Variants in ZMAT2 observed in about 807,000 individuals in gnomAD.
The protein encoded by ZMAT2 is zinc finger matrin-type 2, also known as zinc finger matrin-type protein 2.
In ZMAT2, 5 loss-of-function variants were observed where a neutral mutation model predicts 27.5. The ratio of observed to expected loss-of-function variants is 0.18; its 90% CI spans 0.10 to 0.38. The LOEUF is 0.38. Among genes scored for constraint, ZMAT2 ranks in the 10% least tolerant of loss-of-function variants. The probability of loss-of-function intolerance (pLI) is 1.00; values close to 1 mark genes in which losing one functional copy is unlikely to be tolerated. For missense variants in ZMAT2, 124 were observed against 243.9 expected, an observed-to-expected ratio of 0.51 and a Z score of 3.27; for synonymous variants, 76 against 78.6, an observed-to-expected ratio of 0.97 and a Z score of 0.17.
chr5:140,705,568 T>G, intron 5 of ZMAT2, 45 bp from the exon 6 acceptor site: 3 of 1,562,966 alleles, frequency 1.9e-6, no homozygotes, highest in Non-Finnish European at 2.6e-6. Flanking sequence ...CAAACAACAT[T>G]TGGCTGAGGA....
chr5:140,702,550 G>A, intron 3 of ZMAT2, among the ~76,000 whole-genome samples: 1 of 152,070 alleles, frequency 6.6e-6, no homozygotes, highest in East Asian at 1.9e-4. Context: ...ATTTTTTATT[G>A]CCATTGTACT....
intron 5 of ZMAT2, among the ~76,000 whole-genome samples, chr5:140,705,211 C>T (rs892192511): frequency 2.7e-4 from 41 of 152,012 alleles, no homozygotes; most frequent in African/African-American, 8.9e-4. Context: ...TTTTAAAAGA[C>T]TAAACTTTTT....
chr5:140,704,951 C>G (rs923622798), intron 5 of ZMAT2, among the ~76,000 whole-genome samples: 1 of 151,986 alleles, frequency 6.6e-6, no homozygotes, highest in Non-Finnish European at 1.5e-5. Flanking sequence ...TTTAGCCTAG[C>G]CTACCTTAAT....
At position 140,702,072 on chromosome 5, in the gene ZMAT2, C is replaced by G. The variant is rs1306364498; in HGVS notation, c.179C>G (p.Ser60Cys). The G allele has an allele frequency of 6.2e-7, 1 of 1,613,658 alleles. No individual in the cohort carries two copies. Among genetic ancestry groups the G allele is most frequent in the Non-Finnish European group, 8.5e-7 (1 of 1,179,830 alleles). Residue 60 changes from serine (S) to cysteine (C), a missense_variant, in exon 3 of 6, where the codon TCC becomes TGC. By Grantham distance (112) the Ser-to-Cys change is moderately radical. Around this residue, in one of 5 missense-constraint regions of ZMAT2, gnomAD observed 34 missense variants for 50.8 expected, o/e 0.67. Transcript: ENST00000274712. ...RHRDYKVDLE[S>C]KLGKTIVITK... ...AGGGACTACAAGGTGGACTTGGAATCCAAGCTTGGGAAGACAATTGTCATT... is the reference window on the plus strand; with the variant it reads ...AGGGACTACAAGGTGGACTTGGAATGCAAGCTTGGGAAGACAATTGTCATT...
rs897968026 is a variant in ZMAT2 at position 140,706,197 on chromosome 5, A to C, written c.*441A>C. ...TAGGTCCCAGTTTCCAGTTGATTGCATATCCTTGATCAGCCCTTTTTCCCA... is the reference window on the plus strand; with the variant it reads ...TAGGTCCCAGTTTCCAGTTGATTGCCTATCCTTGATCAGCCCTTTTTCCCA... On this transcript the variant is annotated 3_prime_UTR_variant, in exon 6 of 6. Transcript: ENST00000274712. 6.2e-6 allele frequency: 1 copy of C among 162,316 alleles called. No homozygotes were observed. The highest frequency in any genetic ancestry group is 2.4e-5 in the African/African-American group (1 of 41,656). The allele number at this position is 162,316 out of a possible 1,614,324, so 10.1% of individuals were successfully genotyped here.
At position 140,700,907 on chromosome 5, in the gene ZMAT2, A is replaced by G; in HGVS notation, c.107A>G (p.Lys36Arg). ...AGGCTCACGGAAGAGAGAGAAAAGA[A>G]AGATGGTGGGTGCTAACTACATCAA... is the stretch of plus-strand genomic sequence containing the variant. ...EKRLTEEREK[K>R]DGKPVQPVKR... is the part of the protein sequence containing the mutation. Residue 36 changes from lysine to arginine, a missense_variant, in exon 2 of 6, where the codon AAA becomes AGA. By Grantham distance (26) the Lys-to-Arg change is conservative. Around this residue, in one of 5 missense-constraint regions of ZMAT2, gnomAD observed 34 missense variants for 50.8 expected, o/e 0.67. Transcript: ENST00000274712. The G allele has an allele frequency of 6.2e-7, 1 of 1,614,138 alleles. No homozygotes were observed. Among genetic ancestry groups the G allele is most frequent in the Non-Finnish European group, 8.5e-7 (1 of 1,180,018 alleles).
chr5:140,703,336 G>C (rs1759999018), intron 3 of ZMAT2, among the ~76,000 whole-genome samples: 1 of 151,536 alleles, frequency 6.6e-6, no homozygotes, highest in Non-Finnish European at 1.5e-5. Flanking sequence ...CGCCTCCTGG[G>C]TTCAAGCGAT....
At chr5:140,702,787 C>T (rs1759986759) in intron 3 of ZMAT2, among the ~76,000 whole-genome samples, 1 of 152,162 alleles carries the variant, frequency 6.6e-6, no homozygotes, top group African/African-American at 2.4e-5. Flanking sequence ...TCTTCCAAGA[C>T]TATAACCTAT....
chr5:140,702,109 C>T lies in ZMAT2; in HGVS notation c.216C>T (p.Thr72=), dbSNP rs1759973574. ...AGACAATTGTCATTACCAAGACAACCCCTCAATCTGAGATGGGAGGGTGAG... is the reference window on the plus strand; with the variant it reads ...AGACAATTGTCATTACCAAGACAACTCCTCAATCTGAGATGGGAGGGTGAG... The part of the protein sequence containing the change: ...LGKTIVITKT[T]PQSEMGGYYC... Residue 72 remains threonine, a synonymous_variant, in exon 3 of 6, where the codon ACC becomes ACT. Coordinates refer to ENST00000274712, the MANE Select transcript of ZMAT2 (RefSeq NM_144723.3). 2.5e-6 allele frequency: 4 copies of T among 1,612,982 alleles called. No homozygotes were observed. In the East Asian group the frequency reaches 8.9e-5, roughly 36 times the overall value.
intron 3 of ZMAT2, 24 bp downstream of exon 3, chr5:140,702,153 C>G: frequency 6.2e-7 from 1 of 1,608,640 alleles, no homozygotes; most frequent in Non-Finnish European, 8.5e-7. Context: ...CATTTTTCCT[C>G]TGCAGCCAAG....
At chr5:140,703,518 G>GCCA (rs1760001712) in intron 3 of ZMAT2, among the ~76,000 whole-genome samples, 1 of 152,186 alleles carries the variant, frequency 6.6e-6, no homozygotes, top group Non-Finnish European at 1.5e-5. Context: ...ACAGGCGTGA[G>GCCA]CCACCATGCC....
In ZMAT2 at chr5:140,705,739, A is replaced by G; in HGVS notation, c.583A>G (p.Thr195Ala). 2 of 1,613,988 alleles carry G rather than the reference A, an allele frequency of 1.2e-6. No individual in the cohort carries two copies. Among genetic ancestry groups the G allele is most frequent in the Non-Finnish European group, 1.7e-6 (2 of 1,179,950 alleles). Residue 195 changes from threonine (T) to alanine (A), a missense_variant, in exon 6 of 6, where the codon ACC becomes GCC. Around this residue, in one of 5 missense-constraint regions of ZMAT2, gnomAD observed 53 missense variants for 82.3 expected, o/e 0.64. Transcript: ENST00000274712. ...GATGGGCTTCTCTGGCTTTGGTTCCACCAAGAAGAGTTACTGAGGCTTTCT... is the reference window on the plus strand; with the variant it reads ...GATGGGCTTCTCTGGCTTTGGTTCCGCCAAGAAGAGTTACTGAGGCTTTCT... ...AVMGFSGFGS[T>A]KKSY
At chr5:140,701,035 C>T in intron 2 of ZMAT2, 123 bp downstream of exon 2, 1 of 913,364 alleles carries the variant, frequency 1.1e-6, no homozygotes, top group Non-Finnish European at 1.6e-6. Context: ...TGCTGCTTCC[C>T]TGGGCCTAGG....
At chr5:140,704,598 C>T (rs1760020592) in intron 5 of ZMAT2, 27 bp downstream of exon 5, 6 of 1,603,784 alleles carry the variant, frequency 3.7e-6, no homozygotes, top group South Asian at 1.1e-5. Flanking sequence ...CTTCCCCTCT[C>T]CCCCAGATTT....
rs770601303 is a variant in ZMAT2 at position 140,700,480 on chromosome 5, T to TAGG, written c.18+3_18+5dup. ...GTGAAGATGGCGTCGGGCAGCGGGGTAGGTGTTGTGTCTGAGGAGGAGGTT... is the reference window on the plus strand; with the variant it reads ...GTGAAGATGGCGTCGGGCAGCGGGGTAGGAGGTGTTGTGTCTGAGGAGGAGGTT... On this transcript the variant is annotated splice_region_variant and intron_variant, in intron 1 of 5. Coordinates refer to ENST00000274712, the MANE Select transcript of ZMAT2 (RefSeq NM_144723.3). 1 of 1,612,838 alleles carries TAGG rather than the reference T, an allele frequency of 6.2e-7. No homozygotes were observed. Among genetic ancestry groups the TAGG allele is most frequent in the Non-Finnish European group, 8.5e-7 (1 of 1,179,878 alleles).
Position 140,704,347 on chromosome 5 carries a change from A to G in ZMAT2, c.311-79A>G. ...TTTGCTGTGTGTTTTATGAGATGTC[A>G]GAGAAGTCAGGAAAATAATTTTTGA... On this transcript the variant is annotated intron_variant, in intron 4 of 5. Transcript: ENST00000274712. 5.9e-6 allele frequency: 9 copies of G among 1,520,386 alleles called. No homozygotes were observed. The South Asian group carries it at 7.8e-5, about 13-fold the overall frequency. 94.2% of individuals were successfully genotyped at this position (1,520,386 alleles called of 1,614,324 possible).
intron 1 of ZMAT2, 25 bp from the exon 2 acceptor site, chr5:140,700,794 T>C (rs745625262): frequency 1.2e-6 from 2 of 1,612,592 alleles, no homozygotes; most frequent in South Asian, 2.2e-5. Flanking sequence ...CGGCGACGGA[T>C]CTTGACGCTT....
intron 2 of ZMAT2, among the ~76,000 whole-genome samples, chr5:140,701,496 T>C (rs531505889): frequency 6.6e-6 from 1 of 152,346 alleles, no homozygotes; most frequent in Non-Finnish European, 1.5e-5. Context: ...TACATTCTTC[T>C]TTCCCTTTAC....
At chr5:140,700,765 T>G (rs1759945003) in intron 1 of ZMAT2, 54 bp from the exon 2 acceptor site, 49 of 1,592,494 alleles carry the variant, frequency 3.1e-5, no homozygotes, top group Non-Finnish European at 4.0e-5. Flanking sequence ...GGTTCCCTGC[T>G]TCTCTAGGGG....
Sources: gnomAD v4.1 joint callset for allele counts (sites outside exome capture counted in the v4.1 genomes callset) on GRCh38, gnomAD v4.1.1 for gene constraint, gnomAD v4.1.1 regional missense constraint, MANE v1.5 for transcripts, NCBI Gene and HGNC (gene_info 2026-07-23, HGNC 2026-07-21) for gene names.